The following RGS6 variants were observed in gnomAD, a reference collection of about 807,000 sequenced individuals.
RGS6 encodes the protein regulator of G protein signaling 6.
In RGS6, 30 loss-of-function variants were observed where a neutral mutation model predicts 78.5. That is an observed-to-expected ratio of 0.38 (90% CI 0.29 to 0.52). The LOEUF (loss-of-function observed/expected upper bound fraction) is 0.52. Among genes scored for constraint, RGS6 ranks in the 20% least tolerant of loss-of-function variants. The pLI, the probability that RGS6 is intolerant of heterozygous loss-of-function variation, is 0.85. For missense variants in RGS6, 495 were observed against 609.7 expected (o/e 0.81, Z 1.98); for synonymous variants, 206 against 206.0 (o/e 1.00, Z 0.00).
At chr14:72,346,002 A>G (rs991908077) in intron 2 of RGS6, among the ~76,000 whole-genome samples, 15 of 152,162 alleles carry the variant, frequency 9.9e-5, no homozygotes, top group African/African-American at 3.6e-4. Context: ...CCGAGGAGTC[A>G]TTTTCACTCC....
intron 2 of RGS6, among the ~76,000 whole-genome samples, chr14:72,097,295 G>A (rs888774591): frequency 7.9e-5 from 12 of 152,174 alleles, no homozygotes; most frequent in Admixed American, 6.5e-4. Context: ...TTGTGTTAGT[G>A]GCTGAGCAGA....
chr14:71,931,969 G>T (rs1302664383), upstream of RGS6, among the ~76,000 whole-genome samples: 1 of 152,182 alleles, frequency 6.6e-6, no homozygotes, highest in Non-Finnish European at 1.5e-5. Context: ...GCGGTGTCCC[G>T]TTTTAATTTA....
intron 17 of RGS6, chr14:72,540,964 T>C: frequency 8.0e-7 from 1 of 1,243,896 alleles, no homozygotes; most frequent in Non-Finnish European, 1.0e-6. Flanking sequence ...TACCATGGTT[T>C]GTAGAACAAC....
chr14:71,998,253 C>G (rs2082753130), intron 2 of RGS6, among the ~76,000 whole-genome samples: 1 of 152,164 alleles, frequency 6.6e-6, no homozygotes, highest in South Asian at 2.1e-4. Flanking sequence ...AAGAGGCAAT[C>G]AGATATGCAT....
intron 16 of RGS6, chr14:72,537,744 T>A (rs572307063): frequency 1.7e-6 from 1 of 596,702 alleles, no homozygotes; most frequent in African/African-American, 1.9e-5. Flanking sequence ...TTTCTGTGGC[T>A]CAAGACCCCT....
intron 2 of RGS6, among the ~76,000 whole-genome samples, chr14:72,023,227 C>G (rs1165897413): frequency 6.6e-6 from 1 of 152,234 alleles, no homozygotes; most frequent in African/African-American, 2.4e-5. Flanking sequence ...ACATATTTCA[C>G]TAGGGCTTCC....
chr14:72,253,295 A>G (rs1353451628), intron 2 of RGS6, among the ~76,000 whole-genome samples: 1 of 152,228 alleles, frequency 6.6e-6, no homozygotes, highest in Non-Finnish European at 1.5e-5. Flanking sequence ...CCCACCTGCC[A>G]CTGGCATGTA....
chr14:72,074,128 G>A (rs1287449353), intron 2 of RGS6, among the ~76,000 whole-genome samples: 1 of 152,228 alleles, frequency 6.6e-6, no homozygotes, highest in Non-Finnish European at 1.5e-5. Context: ...CTGACAGCTT[G>A]CAGGTAGACT....
chr14:72,529,216 G>A (rs1383724425), intron 15 of RGS6, among the ~76,000 whole-genome samples: 2 of 152,218 alleles, frequency 1.3e-5, no homozygotes, highest in African/African-American at 2.4e-5. Context: ...GCCAGAGGGA[G>A]GCTGAAGCCA....
chr14:72,605,720 G>A, the RGS6 span, among the ~76,000 whole-genome samples: 1 of 152,188 alleles, frequency 6.6e-6, no homozygotes, highest in East Asian at 1.9e-4. Context: ...CTTCTTAAGA[G>A]TAACCCAAGG....
chr14:72,547,271 G>A (rs1178315508), intron 17 of RGS6: 6 of 1,535,534 alleles, frequency 3.9e-6, no homozygotes, highest in Non-Finnish European at 5.2e-6. Context: ...CAATGTCACG[G>A]TCAAGGAGAG....
At chr14:72,408,932 A>G (rs1307055365) in intron 3 of RGS6, among the ~76,000 whole-genome samples, 3 of 152,214 alleles carry the variant, frequency 2.0e-5, no homozygotes, top group Non-Finnish European at 2.9e-5. Flanking sequence ...ATCTTAATAC[A>G]TGACAACTGG....
At chr14:72,433,538 A>G (rs2094755108) in intron 3 of RGS6, among the ~76,000 whole-genome samples, 2 of 152,198 alleles carry the variant, frequency 1.3e-5, no homozygotes, top group Admixed American at 1.3e-4. Context: ...CAGAAAGTCA[A>G]GAAAAGCCTA....
At chr14:72,148,806 C>T (rs2096643264) in intron 2 of RGS6, among the ~76,000 whole-genome samples, 1 of 152,126 alleles carries the variant, frequency 6.6e-6, no homozygotes, top group African/African-American at 2.4e-5. Flanking sequence ...AGGTTGAATT[C>T]AAAGTATAGT....
At chr14:72,030,876 T>A (rs1380571479) in intron 2 of RGS6, among the ~76,000 whole-genome samples, 1 of 152,134 alleles carries the variant, frequency 6.6e-6, no homozygotes, top group Non-Finnish European at 1.5e-5. Context: ...ATTCTTTAAA[T>A]AAAGCAATAT....
rs2097686901 is a variant in RGS6 at position 72,562,330 on chromosome 14, C to G, written c.1423-87C>G. The G allele has an allele frequency of 2.9e-6, 4 of 1,378,780 alleles. No homozygotes were observed. The Admixed American group carries it at 6.8e-5, about 23-fold the overall frequency. 85.4% of individuals were successfully genotyped at this position (1,378,780 alleles called of 1,614,324 possible). On this transcript the variant is annotated intron_variant, in intron 17 of 17. Coordinates refer to ENST00000553525, the MANE Select transcript of RGS6 (RefSeq NM_001204424.2). Reference sequence around the variant, plus strand: ...GGTCGTTTGGCCTACATGGCTCATGCAACAATTAATTCACCTGTCTGGCTC... The same window carrying G: ...GGTCGTTTGGCCTACATGGCTCATGGAACAATTAATTCACCTGTCTGGCTC...
intron 7 of RGS6, 60 bp downstream of exon 7, chr14:72,465,882 C>A: frequency 4.4e-6 from 6 of 1,356,564 alleles, no homozygotes; most frequent in South Asian, 1.2e-5. Flanking sequence ...ATCTGCAGCT[C>A]CGTCTAAGTT....
intron 2 of RGS6, among the ~76,000 whole-genome samples, chr14:71,982,998 G>C (rs2094534489): frequency 6.6e-6 from 1 of 152,198 alleles, no homozygotes; most frequent in South Asian, 2.1e-4. Flanking sequence ...GAGTGTCTTA[G>C]TGGTCTAGCG....
At chr14:72,462,701 T>A (rs1470298482) in intron 6 of RGS6, among the ~76,000 whole-genome samples, 1 of 152,074 alleles carries the variant, frequency 6.6e-6, no homozygotes, top group Non-Finnish European at 1.5e-5. Context: ...GTGAATGTCA[T>A]AGAGGAAACT....
Sources: gnomAD v4.1 joint callset for allele counts (sites outside exome capture counted in the v4.1 genomes callset) on GRCh38, gnomAD v4.1.1 for gene constraint, MANE v1.5 for transcripts, NCBI Gene and HGNC (gene_info 2026-07-23, HGNC 2026-07-21) for gene names.